SLC14A2: variants seen among roughly 807,000 people sequenced by gnomAD.
SLC14A2 encodes urea transporter 2.
In SLC14A2, 91 loss-of-function variants were observed where a neutral mutation model predicts 104.6. The ratio of observed to expected loss-of-function variants is 0.87; its 90% CI spans 0.73 to 1.04. SLC14A2 has a LOEUF of 1.04. SLC14A2 is among the 50% of genes least tolerant of loss of function. SLC14A2 has a pLI of 0.00. For missense variants in SLC14A2, 1,189 were observed against 1,156.0 expected, an observed-to-expected ratio of 1.03 and a Z score of -0.41; for synonymous variants, 476 against 466.4, an observed-to-expected ratio of 1.02 and a Z score of -0.27.
intron 1 of SLC14A2, among the ~76,000 whole-genome samples, chr18:45,381,752 TGGTGAGTGGCACCA>T (rs1269883569): frequency 1.3e-5 from 2 of 151,936 alleles, no homozygotes; most frequent in East Asian, 3.9e-4. Context: ...GGGAACAGGG[TGGTGAGTGGCACCA>T]GGTTTGAGAG....
intron 2 of SLC14A2, among the ~76,000 whole-genome samples, chr18:45,523,288 C>A (rs1387467460): frequency 6.6e-6 from 1 of 152,020 alleles, no homozygotes; most frequent in East Asian, 1.9e-4. Context: ...TCGCCCAGGG[C>A]AGGAGCAATC....
chr18:45,585,954 A>G (rs190012305), intron 2 of SLC14A2, among the ~76,000 whole-genome samples: 1 of 152,232 alleles, frequency 6.6e-6, no homozygotes, highest in Non-Finnish European at 1.5e-5. Context: ...GTAAGGCTTT[A>G]TTCACATACT....
intron 5 of SLC14A2, chr18:45,634,911 G>A: frequency 4.4e-6 from 2 of 456,748 alleles, no homozygotes; most frequent in South Asian, 1.5e-5. Flanking sequence ...ACCCCACAGA[G>A]ATGACAGTGT....
intron 1 of SLC14A2, among the ~76,000 whole-genome samples, chr18:45,278,999 A>G (rs1264289306): frequency 6.6e-6 from 1 of 152,128 alleles, no homozygotes; most frequent in Non-Finnish European, 1.5e-5. Flanking sequence ...CAAGTACGAG[A>G]GAGATAATAA....
intron 2 of SLC14A2, among the ~76,000 whole-genome samples, chr18:45,508,589 G>A (rs1598938218): frequency 2.0e-5 from 3 of 152,292 alleles, no homozygotes; most frequent in Middle Eastern, 6.8e-3. Flanking sequence ...TATCGTCAGT[G>A]TGAAAACAGA....
intron 1 of SLC14A2, among the ~76,000 whole-genome samples, chr18:45,619,700 C>T (rs1284255578): frequency 6.6e-6 from 1 of 152,098 alleles, no homozygotes; most frequent in African/African-American, 2.4e-5. Context: ...GCCCTCAGCC[C>T]GGACGTGGCT....
chr18:45,302,803 G>A (rs2084981196), intron 1 of SLC14A2, among the ~76,000 whole-genome samples: 2 of 152,122 alleles, frequency 1.3e-5, no homozygotes, highest in South Asian at 4.2e-4. Context: ...AAGGAGATAG[G>A]ACATGTTTAC....
At chr18:45,263,683 G>A (rs1040796412) in intron 1 of SLC14A2, among the ~76,000 whole-genome samples, 6 of 152,122 alleles carry the variant, frequency 3.9e-5, no homozygotes, top group Non-Finnish European at 5.9e-5. Flanking sequence ...TATGTATATC[G>A]GTTTAGACTC....
At chr18:45,284,192 C>A (rs1485911472) in intron 1 of SLC14A2, among the ~76,000 whole-genome samples, 1 of 152,160 alleles carries the variant, frequency 6.6e-6, no homozygotes, top group African/African-American at 2.4e-5. Flanking sequence ...TGTTATACAG[C>A]TAACACACGG....
intron 2 of SLC14A2, among the ~76,000 whole-genome samples, chr18:45,489,285 C>T (rs1299376416): frequency 6.6e-6 from 1 of 152,090 alleles, no homozygotes; most frequent in Non-Finnish European, 1.5e-5. Context: ...CTGAGGCCAG[C>T]AGATCATTTG....
chr18:45,513,612 G>A (rs1371055217), intron 2 of SLC14A2, among the ~76,000 whole-genome samples: 3 of 152,172 alleles, frequency 2.0e-5, no homozygotes, highest in Non-Finnish European at 4.4e-5. Context: ...AGGTTGAAGG[G>A]TAAGAGTGTT....
At chr18:45,505,354 C>G (rs1381061037) in intron 2 of SLC14A2, among the ~76,000 whole-genome samples, 1 of 152,098 alleles carries the variant, frequency 6.6e-6, no homozygotes, top group African/African-American at 2.4e-5. Flanking sequence ...TGCCTGCTAT[C>G]CATGTAAATT....
chr18:45,312,134 C>T (rs8086981), intron 1 of SLC14A2, among the ~76,000 whole-genome samples: 39,063 of 151,980 alleles, frequency 0.26, 6,055 homozygotes, highest in African/African-American at 0.43. Flanking sequence ...TTCTGGACTT[C>T]GTTTGGCTCA....
chr18:45,481,671 GTGCAACTGAAAAAAA>G (rs2087495836), intron 1 of SLC14A2, among the ~76,000 whole-genome samples: 1 of 151,966 alleles, frequency 6.6e-6, no homozygotes, highest in Non-Finnish European at 1.5e-5. Context: ...ACAATCCTTT[GTGCAACTGAAAAAAA>G]ACAGGATTTT....
intron 2 of SLC14A2, among the ~76,000 whole-genome samples, chr18:45,532,424 G>T (rs1195215698): frequency 2.6e-5 from 4 of 151,266 alleles, no homozygotes; most frequent in South Asian, 2.1e-4. Flanking sequence ...CACATCCCTT[G>T]TAAGTTGGAT....
At chr18:45,450,862 G>A (rs1427284659) in intron 1 of SLC14A2, among the ~76,000 whole-genome samples, 3 of 152,182 alleles carry the variant, frequency 2.0e-5, no homozygotes, top group Admixed American at 6.5e-5. Flanking sequence ...GGTAGTATGA[G>A]GAGAAAAGGC....
At chr18:45,397,498 T>C (rs2086048069) in intron 1 of SLC14A2, among the ~76,000 whole-genome samples, 1 of 152,226 alleles carries the variant, frequency 6.6e-6, no homozygotes, top group Non-Finnish European at 1.5e-5. Flanking sequence ...CTTTGCCCAC[T>C]TTTTAATGAG....
At chr18:45,516,091 G>A (rs16978391) in intron 2 of SLC14A2, among the ~76,000 whole-genome samples, 4,085 of 152,266 alleles carry the variant, frequency 0.027, 178 homozygotes, top group African/African-American at 0.092. Flanking sequence ...TTTAACTGGA[G>A]AGGAGCTCTG....
chr18:45,645,734 C>T (rs931811939), intron 10 of SLC14A2, among the ~76,000 whole-genome samples: 1 of 138,518 alleles, frequency 7.2e-6, no homozygotes, highest in Non-Finnish European at 1.6e-5. Context: ...AAGTCTTAAC[C>T]CTGTCATTAT....
Sources: gnomAD v4.1 joint callset for allele counts (sites outside exome capture counted in the v4.1 genomes callset) on GRCh38, gnomAD v4.1.1 for gene constraint, MANE v1.5 for transcripts, NCBI Gene and HGNC (gene_info 2026-07-23, HGNC 2026-07-21) for gene names.